Variants in SFI1 observed in about 807,000 individuals in gnomAD.
SFI1 encodes the protein SFI1 centrin binding protein, also known as protein SFI1 homolog.
Under a neutral mutation model 207.5 loss-of-function variants are expected in SFI1, and 195 were observed. The ratio of observed to expected loss-of-function variants is 0.94; its 90% CI spans 0.84 to 1.06. The LOEUF (loss-of-function observed/expected upper bound fraction) is 1.06. Ranked by LOEUF, SFI1 falls within the 50% of genes least tolerant of loss-of-function variation. The pLI, the probability that SFI1 is intolerant of heterozygous loss-of-function variation, is 0.00. For missense variants in SFI1, 1,634 were observed against 1,588.0 expected (o/e 1.03, Z -0.49); for synonymous variants, 630 against 598.9 (o/e 1.05, Z -0.76).
intron 4 of SFI1, among the ~76,000 whole-genome samples, chr22:31,546,043 C>T (rs1170285930): frequency 6.6e-6 from 1 of 151,772 alleles, no homozygotes; most frequent in African/African-American, 2.4e-5. Flanking sequence ...CAAGAGCATG[C>T]CCCCGCTATG....
intron 4 of SFI1, among the ~76,000 whole-genome samples, chr22:31,535,028 A>G (rs1366601187): frequency 6.6e-6 from 1 of 151,410 alleles, no homozygotes; most frequent in Non-Finnish European, 1.5e-5. Flanking sequence ...CACCACACCC[A>G]GCTAACTTTT....
At chr22:31,527,085 C>T (rs2058003419) in intron 2 of SFI1, among the ~76,000 whole-genome samples, 1 of 152,024 alleles carries the variant, frequency 6.6e-6, no homozygotes, top group Admixed American at 6.6e-5. Flanking sequence ...TTAATAGAGA[C>T]GGGATTTCGC....
intron 31 of SFI1, 124 bp downstream of exon 31, chr22:31,617,202 C>T (rs920918693): frequency 6.1e-6 from 6 of 982,798 alleles, no homozygotes; most frequent in African/African-American, 3.2e-5. Context: ...TCGGTCTAGC[C>T]ATGGAGGGGT....
Position 31,616,992 on chromosome 22 carries a change from C to G in SFI1, c.3434-8C>G, listed in dbSNP as rs377236604. 1 of 1,613,908 alleles carries G rather than the reference C, an allele frequency of 6.2e-7. No homozygotes were observed. Among genetic ancestry groups the G allele is most frequent in the Non-Finnish European group, 8.5e-7 (1 of 1,179,994 alleles). ...TAGTCTGAAACAAGCTTACTTCTGTCGCCATAGGCAGCCTGGACCTTGAGG... is the reference window on the plus strand; with the variant it reads ...TAGTCTGAAACAAGCTTACTTCTGTGGCCATAGGCAGCCTGGACCTTGAGG... On this transcript the variant is annotated splice_region_variant and splice_polypyrimidine_tract_variant and intron_variant, in intron 30 of 32. Coordinates refer to ENST00000400288, the MANE Select transcript of SFI1 (RefSeq NM_001007467.3).
At chr22:31,568,955 C>T (rs201395617) in intron 8 of SFI1, among the ~76,000 whole-genome samples, 55 of 152,142 alleles carry the variant, frequency 3.6e-4, no homozygotes, top group Non-Finnish European at 7.1e-4. Flanking sequence ...TGGAACTCAT[C>T]GGTCATGATT....
At chr22:31,501,328 C>A (rs979219201) in intron 1 of SFI1, among the ~76,000 whole-genome samples, 5 of 151,842 alleles carry the variant, frequency 3.3e-5, no homozygotes, top group Admixed American at 1.3e-4. Context: ...CCCGCCACCA[C>A]GCCCGGCTAA....
intron 2 of SFI1, among the ~76,000 whole-genome samples, chr22:31,516,887 G>C (rs1415008094): frequency 6.6e-6 from 1 of 152,080 alleles, no homozygotes; most frequent in African/African-American, 2.4e-5. Flanking sequence ...CTGGGAGGCG[G>C]AGGTTGCAGT....
chr22:31,591,028 A>G (rs1441934968), intron 15 of SFI1, among the ~76,000 whole-genome samples: 1 of 150,206 alleles, frequency 6.7e-6, no homozygotes, highest in East Asian at 1.9e-4. Context: ...GGGATTTGGC[A>G]GGGTCATGGG....
chr22:31,612,398 A>AAAAAAATAT (rs1556369798), intron 24 of SFI1: 1 of 60,194 alleles, frequency 1.7e-5, no homozygotes, highest in African/African-American at 6.7e-5. Flanking sequence ...AAAAAAAAAA[A>AAAAAAATAT]ATATATATAT....
At chr22:31,565,991 A>G (rs1409929258) in intron 8 of SFI1, among the ~76,000 whole-genome samples, 1 of 150,854 alleles carries the variant, frequency 6.6e-6, no homozygotes, top group Non-Finnish European at 1.5e-5. Context: ...ATAGACAGAG[A>G]TCTATTAACT....
intron 15 of SFI1, among the ~76,000 whole-genome samples, chr22:31,594,010 G>GC (rs1446565868): frequency 6.9e-6 from 1 of 145,756 alleles, no homozygotes; most frequent in Non-Finnish European, 1.5e-5. Flanking sequence ...GAGGGACAGG[G>GC]AGAGGGAGAG....
intron 11 of SFI1, among the ~76,000 whole-genome samples, chr22:31,579,319 A>AT (rs1199595157): frequency 0.065 from 9,348 of 143,550 alleles, 309 homozygotes; most frequent in African/African-American, 0.085. Context: ...AATTTTTTAG[A>AT]TTTTTTTTTT....
At chr22:31,601,905 A>C (rs1181828462) in intron 15 of SFI1, among the ~76,000 whole-genome samples, 2 of 151,476 alleles carry the variant, frequency 1.3e-5, no homozygotes, top group Non-Finnish European at 1.5e-5. Flanking sequence ...CGATCCCCCC[A>C]CCTCAGCCTC....
At chr22:31,607,894 A>G (rs568118001) in intron 21 of SFI1, 43 bp from the exon 22 acceptor site, 2 of 1,581,362 alleles carry the variant, frequency 1.3e-6, no homozygotes, top group Non-Finnish European at 1.7e-6. Flanking sequence ...CCCGGAAGCC[A>G]GGAGGTATAG....
At chr22:31,577,521 C>G (rs1027694915) in intron 10 of SFI1, among the ~76,000 whole-genome samples, 5 of 152,146 alleles carry the variant, frequency 3.3e-5, no homozygotes, top group East Asian at 1.9e-4. Flanking sequence ...AATCCTCCCC[C>G]CTCAGCCTAC....
rs546140433 is a variant in SFI1 at position 31,600,336 on chromosome 22, T to G, written c.1545-1876T>G. Among the ~76,000 whole-genome samples, 7 of 152,360 alleles carry G rather than the reference T, an allele frequency of 4.6e-5. No individual in the cohort carries two copies. The East Asian group carries it at 1.3e-3, about 29-fold the overall frequency. ...ACATTTGAATGTTCATCTGTATCAT[T>G]TCCCTTCAGCCTAAAGATGATCTTT... On this transcript the variant is annotated intron_variant, in intron 15 of 32. Transcript: ENST00000400288.
At chr22:31,546,370 C>T (rs2060082007) in intron 4 of SFI1, among the ~76,000 whole-genome samples, 1 of 151,748 alleles carries the variant, frequency 6.6e-6, no homozygotes, top group Admixed American at 6.6e-5. Context: ...CTTGCTCTGT[C>T]ATCAGGCTGG....
intron 15 of SFI1, among the ~76,000 whole-genome samples, chr22:31,591,356 C>T (rs1253567293): frequency 2.0e-5 from 3 of 152,186 alleles, no homozygotes; most frequent in African/African-American, 2.4e-5. Context: ...AAAAGTCTCC[C>T]ATGTCTACTC....
intron 4 of SFI1, among the ~76,000 whole-genome samples, chr22:31,546,461 G>C (rs932616577): frequency 3.3e-5 from 5 of 152,024 alleles, no homozygotes; most frequent in African/African-American, 9.7e-5. Context: ...CTCCTGAGTA[G>C]CTGGGACTAC....
Sources: allele counts gnomAD v4.1 joint callset (sites outside exome capture counted in the v4.1 genomes callset), GRCh38; gene constraint gnomAD v4.1.1; transcripts MANE v1.5; gene names NCBI Gene and HGNC (gene_info 2026-07-23, HGNC 2026-07-21).